The following SCARA3 variants were observed in gnomAD, a reference collection of about 807,000 sequenced individuals.
The protein encoded by SCARA3 is scavenger receptor class A member 3, also known as cellular stress response gene protein.
In SCARA3, 39 loss-of-function variants were observed where a neutral mutation model predicts 47.0. The observed-to-expected ratio is 0.83, with a 90% CI of 0.64 to 1.08. SCARA3 has a LOEUF of 1.08. SCARA3 is among the 50% of genes least tolerant of loss of function. SCARA3 has a pLI of 0.00. For synonymous variants in SCARA3, 356 were observed against 334.1 expected, an observed-to-expected ratio of 1.07 and a Z score of -0.71; for missense variants, 724 against 792.3, an observed-to-expected ratio of 0.91 and a Z score of 1.04.
At chr8:27,654,803 GAAAAAGAA>G (rs1229151590) in intron 3 of SCARA3, among the ~76,000 whole-genome samples, 1 of 100,638 alleles carries the variant, frequency 9.9e-6, no homozygotes, top group East Asian at 2.5e-4. Context: ...AAAAAAAAAA[GAAAAAGAA>G]AAAAAGAAAA....
intron 5 of SCARA3, among the ~76,000 whole-genome samples, chr8:27,660,649 T>TAGATAGATAGAC (rs1393943116): frequency 8.7e-5 from 13 of 149,234 alleles, no homozygotes; most frequent in African/African-American, 2.7e-4. Flanking sequence ...GATAGATAGA[T>TAGATAGATAGAC]AGATAGATCT....
chr8:27,729,228 T>A, the SCARA3 span, among the ~76,000 whole-genome samples: 1 of 152,290 alleles, frequency 6.6e-6, no homozygotes, highest in African/African-American at 2.4e-5. Flanking sequence ...CAAGTTCAGC[T>A]CTTTCAATGC....
chr8:27,722,495 C>T, the SCARA3 span, among the ~76,000 whole-genome samples: 22 of 152,236 alleles, frequency 1.4e-4, no homozygotes, highest in African/African-American at 5.3e-4. Flanking sequence ...TCACACAGAC[C>T]TCCAAACCCT....
Position 27,658,442 on chromosome 8 carries a change from A to C in SCARA3, c.326-54A>C, listed in dbSNP as rs1801789495. 9.0e-6 allele frequency: 13 copies of C among 1,449,614 alleles called. No individual in the cohort carries two copies. The East Asian group carries it at 2.8e-4, about 31-fold the overall frequency. The allele number at this position is 1,449,614 out of a possible 1,614,324, so 89.8% of individuals were successfully genotyped here. ...TCTGAAATATTTAATTTAAAGAGGA[A>C]GCGTCGTACCCTGGCCCTTCAGCAA... On this transcript the variant is annotated intron_variant, in intron 4 of 5. Transcript: ENST00000301904.
Position 27,634,189 on chromosome 8 carries a change from G to T in SCARA3, c.-12G>T. ...GCAGCGGGGCCCTCCTGAGGCCCCA[G>T]AGGAAGAGACCATGAAAGGTAAGGG... On this transcript the variant is annotated 5_prime_UTR_variant, in exon 1 of 6. Coordinates refer to ENST00000301904, the MANE Select transcript of SCARA3 (RefSeq NM_016240.3). 7.0e-7 allele frequency: 1 copy of T among 1,425,582 alleles called. No individual in the cohort carries two copies. The allele number at this position is 1,425,582 out of a possible 1,614,324, so 88.3% of individuals were successfully genotyped here.
Position 27,637,257 on chromosome 8 carries a change from GCTGGCAC to G in SCARA3, c.7+3056_7+3062del, listed in dbSNP as rs34496730. ...CAGGCCGCTGCCTCTTTTGATCCAA[GCTGGCAC>G]CTGGCCCCTCTCACACGCAGCCCTA... On this transcript the variant is annotated intron_variant, in intron 1 of 5. Transcript: ENST00000301904. Among the ~76,000 whole-genome samples, 170 of 152,358 alleles carry G rather than the reference GCTGGCAC, an allele frequency of 1.1e-3. 3 individuals carry two copies. The East Asian group carries it at 0.017, about 16-fold the overall frequency.
the SCARA3 span, among the ~76,000 whole-genome samples, chr8:27,685,933 G>A: frequency 1.3e-5 from 2 of 152,130 alleles, no homozygotes; most frequent in African/African-American, 4.8e-5. Context: ...AGGTGGGGGG[G>A]AAATGTGTAC....
chr8:27,670,528 T>C lies in SCARA3; in HGVS notation c.1370-372T>C, dbSNP rs924440605. Reference sequence around the variant, plus strand: ...ACCTGACTTGAACCCTGTTCCCAAATGACTGAGAAGTCATGGGGGTGGGGT... The same window carrying C: ...ACCTGACTTGAACCCTGTTCCCAAACGACTGAGAAGTCATGGGGGTGGGGT... On this transcript the variant is annotated intron_variant, in intron 5 of 5. Coordinates refer to ENST00000301904, the MANE Select transcript of SCARA3 (RefSeq NM_016240.3). 7.2e-5 allele frequency among the ~76,000 whole-genome samples: 11 copies of C among 152,280 alleles called. No individual in the cohort carries two copies. The South Asian group carries it at 2.3e-3, about 32-fold the overall frequency.
chr8:27,730,359 G>A, the SCARA3 span, among the ~76,000 whole-genome samples: 2 of 152,120 alleles, frequency 1.3e-5, no homozygotes, highest in African/African-American at 2.4e-5. Context: ...TGGATTACAA[G>A]CCCCAGGATG....
chr8:27,637,693 C>T lies in SCARA3; in HGVS notation c.7+3486C>T, dbSNP rs35484633. On this transcript the variant is annotated intron_variant, in intron 1 of 5. Coordinates refer to ENST00000301904, the MANE Select transcript of SCARA3 (RefSeq NM_016240.3). ...GGGCAGGGGGCAGCCCTCTGTTCCT[C>T]AGGCGTGGGAGAAACAACCCCTCCT... Among the ~76,000 whole-genome samples the T allele has an allele frequency of 3.5e-3, 525 of 152,128 alleles. 2 individuals are homozygous for T. Among genetic ancestry groups the T allele is most frequent in the African/African-American group, 0.012 (493 of 41,502 alleles).
At chr8:27,724,362 G>T in the SCARA3 span, among the ~76,000 whole-genome samples, 4 of 152,140 alleles carry the variant, frequency 2.6e-5, no homozygotes, top group African/African-American at 4.8e-5. Flanking sequence ...AAATCAGGAG[G>T]ATTAAAACTG....
the SCARA3 span, among the ~76,000 whole-genome samples, chr8:27,729,390 G>T: frequency 6.6e-6 from 1 of 152,142 alleles, no homozygotes; most frequent in African/African-American, 2.4e-5. Flanking sequence ...GGTGTTACCT[G>T]CCCCTGCAGC....
intron 2 of SCARA3, among the ~76,000 whole-genome samples, chr8:27,650,153 T>C (rs1167937432): frequency 6.8e-6 from 1 of 146,276 alleles, no homozygotes; most frequent in Non-Finnish European, 1.5e-5. Context: ...CCACCATGCC[T>C]GGATAATTTT....
At chr8:27,674,674 C>T (rs976334510), downstream of SCARA3, among the ~76,000 whole-genome samples, 2 of 151,976 alleles carry the variant, frequency 1.3e-5, no homozygotes, top group African/African-American at 2.4e-5. Flanking sequence ...TTAATCCCCA[C>T]CAGACTTGCA....
chr8:27,695,878 C>A, the SCARA3 span, among the ~76,000 whole-genome samples: 1 of 151,922 alleles, frequency 6.6e-6, no homozygotes, highest in Non-Finnish European at 1.5e-5. Flanking sequence ...ACTTCATGGG[C>A]ATATGGGAAA....
At chr8:27,650,148 A>T (rs754224561) in intron 2 of SCARA3, among the ~76,000 whole-genome samples, 1 of 149,308 alleles carries the variant, frequency 6.7e-6, no homozygotes, top group African/African-American at 2.4e-5. Flanking sequence ...ACGCACCACC[A>T]TGCCTGGATA....
At chr8:27,693,576 T>A in the SCARA3 span, among the ~76,000 whole-genome samples, 1 of 152,164 alleles carries the variant, frequency 6.6e-6, no homozygotes, top group Non-Finnish European at 1.5e-5. Flanking sequence ...TCTGAAAGGA[T>A]CACTCCTCTC....
the SCARA3 span, among the ~76,000 whole-genome samples, chr8:27,716,925 A>C: frequency 6.6e-6 from 1 of 152,240 alleles, no homozygotes; most frequent in African/African-American, 2.4e-5. Flanking sequence ...GGTAAGAAGA[A>C]CACGGCATCA....
At position 27,659,514 on chromosome 8, in the gene SCARA3, C is replaced by T. The variant is rs767412397; in HGVS notation, c.1344C>T (p.Ile448=). The T allele has an allele frequency of 6.2e-7, 1 of 1,610,942 alleles. No individual in the cohort carries two copies. Among genetic ancestry groups the T allele is most frequent in the Non-Finnish European group, 8.5e-7 (1 of 1,177,838 alleles). ...CAGTGGACACACAGCATGGAGAAAT[C>T]CTTCGCAATGTCACCATCCTACGAG... The part of the protein sequence containing the change: ...MKAVDTQHGE[I]LRNVTILRGA... Residue 448 remains isoleucine, a synonymous_variant, in exon 5 of 6, where the codon ATC becomes ATT. Coordinates refer to ENST00000301904, the MANE Select transcript of SCARA3 (RefSeq NM_016240.3).
Sources: gnomAD v4.1 joint callset for allele counts (sites outside exome capture counted in the v4.1 genomes callset) on GRCh38, gnomAD v4.1.1 for gene constraint, MANE v1.5 for transcripts, NCBI Gene and HGNC (gene_info 2026-07-23, HGNC 2026-07-21) for gene names.